Variants in TXNDC11 observed in about 807,000 individuals in gnomAD.
TXNDC11 encodes thioredoxin domain-containing protein 11.
In TXNDC11, 68 loss-of-function variants were observed where a neutral mutation model predicts 78.0. The observed-to-expected ratio is 0.87, with a 90% CI of 0.72 to 1.07. TXNDC11 has a LOEUF of 1.07. TXNDC11 is among the 50% of genes least tolerant of loss of function. TXNDC11 has a pLI of 0.00. For synonymous variants in TXNDC11, 571 were observed against 495.2 expected (o/e 1.15, Z -2.03); for missense variants, 1,389 against 1,221.8 (o/e 1.14, Z -2.04).
intron 11 of TXNDC11, among the ~76,000 whole-genome samples, chr16:11,680,497 A>G (rs1377445076): frequency 6.6e-6 from 1 of 152,106 alleles, no homozygotes; most frequent in African/African-American, 2.4e-5. Flanking sequence ...GGTGACATAG[A>G]AAGGGGTTTT....
intron 1 of TXNDC11, among the ~76,000 whole-genome samples, chr16:11,738,132 T>G (rs550062778): frequency 1.3e-5 from 2 of 152,198 alleles, no homozygotes; most frequent in African/African-American, 4.8e-5. Flanking sequence ...CCTATTCATA[T>G]GTACTATAAC....
At chr16:11,716,939 GCAT>G (rs958985378) in intron 5 of TXNDC11, among the ~76,000 whole-genome samples, 1 of 151,964 alleles carries the variant, frequency 6.6e-6, no homozygotes, top group Non-Finnish European at 1.5e-5. Context: ...GTTAAAGCAG[GCAT>G]CATCAAGATT....
In TXNDC11 at chr16:11,698,155, G is replaced by A; in HGVS notation, c.1077C>T (p.Pro359=). The change falls in exon 7 of 12, where the codon CCC becomes CCT. Residue 359 remains proline (P), a synonymous_variant. Transcript: ENST00000283033. ...PALFLFIPFN[P]LAESHPLIDE... ...CTATTAAAGGATGACTTTCGGCCAG[G>A]GGATTAAAAGGTATGAACAGAAACA... is the stretch of plus-strand genomic sequence containing the variant. 2 of 1,614,216 alleles carry A rather than the reference G, an allele frequency of 1.2e-6. No homozygotes were observed. Among genetic ancestry groups the A allele is most frequent in the Non-Finnish European group, 1.7e-6 (2 of 1,180,034 alleles).
intron 5 of TXNDC11, among the ~76,000 whole-genome samples, chr16:11,707,296 G>A (rs1000130010): frequency 4.0e-5 from 6 of 151,136 alleles, no homozygotes; most frequent in African/African-American, 1.2e-4. Context: ...GCAGGCGCCT[G>A]TAGTCCCAGC....
In TXNDC11 at chr16:11,679,741, G is replaced by A; in HGVS notation, c.2331C>T (p.Pro777=). ...ILHHSDPASS[P]QNVANSPTKE... Reference sequence around the variant, plus strand: ...TGGTAGGAGAGTTAGCCACATTCTGGGGGCTGGAAGCAGGGTCTGAGTGAT... The same window carrying A: ...TGGTAGGAGAGTTAGCCACATTCTGAGGGCTGGAAGCAGGGTCTGAGTGAT... The change falls in exon 12 of 12, where the codon CCC becomes CCT. Residue 777 remains proline, a synonymous_variant. Transcript: ENST00000283033. This position sits in a 1 kb window ranked among gnomAD's most constrained non-coding sequence, Gnocchi z 4.6. The A allele has an allele frequency of 6.2e-7, 1 of 1,614,202 alleles. No individual in the cohort carries two copies. Among genetic ancestry groups the A allele is most frequent in the Non-Finnish European group, 8.5e-7 (1 of 1,180,044 alleles).
intron 4 of TXNDC11, among the ~76,000 whole-genome samples, chr16:11,723,767 T>C (rs2051789964): frequency 2.6e-5 from 4 of 152,220 alleles, no homozygotes; most frequent in Admixed American, 2.6e-4. Context: ...AACTCTCTTC[T>C]TCCCCCTAAA....
intron 6 of TXNDC11, among the ~76,000 whole-genome samples, chr16:11,699,512 C>T (rs1330072269): frequency 6.6e-6 from 1 of 152,244 alleles, no homozygotes; most frequent in Non-Finnish European, 1.5e-5. Context: ...AAAAACCATA[C>T]TCAAACTACA....
intron 5 of TXNDC11, among the ~76,000 whole-genome samples, chr16:11,715,405 G>C (rs1008522065): frequency 2.0e-5 from 3 of 149,946 alleles, no homozygotes; most frequent in African/African-American, 4.9e-5. Flanking sequence ...TTGAGCCCAT[G>C]AGTTCAAGGT....
At position 11,721,588 on chromosome 16, in the gene TXNDC11, G is replaced by T; in HGVS notation, c.782C>A (p.Ser261Ter). 6.2e-7 allele frequency: 1 copy of T among 1,602,166 alleles called. No homozygotes were observed. Among genetic ancestry groups the T allele is most frequent in the South Asian group, 1.1e-5 (1 of 90,340 alleles). Residue 261 changes from serine to a stop codon, truncating the protein, a stop_gained, in exon 5 of 12, where the codon TCA becomes TAA. Coordinates refer to ENST00000283033, the MANE Select transcript of TXNDC11 (RefSeq NM_015914.7). LOFTEE classifies it high-confidence loss of function. Reference sequence around the variant, plus strand: ...GAATCATTTTTTACCTTTCTTTAATGAATGTAATGCTGAGGTGAAGAAGGT... The same window carrying T: ...GAATCATTTTTTACCTTTCTTTAATTAATGTAATGCTGAGGTGAAGAAGGT... ...YLTFFTSALH[S>*]LKKDYLGTVR... is the part of the protein sequence containing the mutation.
At chr16:11,682,185 G>A (rs1344656346) in intron 11 of TXNDC11, among the ~76,000 whole-genome samples, 1 of 152,188 alleles carries the variant, frequency 6.6e-6, no homozygotes, top group Non-Finnish European at 1.5e-5. Context: ...GTCAGCTCAC[G>A]CTGCTTGCCC....
chr16:11,732,169 T>A (rs760798660), intron 3 of TXNDC11, among the ~76,000 whole-genome samples: 3 of 152,186 alleles, frequency 2.0e-5, no homozygotes, highest in Non-Finnish European at 4.4e-5. Flanking sequence ...TTTCTAAAGT[T>A]CCTTTGAGGT....
At chr16:11,742,367 G>C (rs1296666909) in intron 1 of TXNDC11, 110 bp downstream of exon 1, 1 of 910,142 alleles carries the variant, frequency 1.1e-6, no homozygotes, top group Non-Finnish European at 1.5e-6. Flanking sequence ...TCCTGGGCAA[G>C]GTCAGGCCCG....
intron 5 of TXNDC11, among the ~76,000 whole-genome samples, chr16:11,720,280 G>A (rs1429764906): frequency 2.0e-5 from 3 of 152,166 alleles, no homozygotes; most frequent in East Asian, 3.8e-4. Flanking sequence ...AATGTGACAT[G>A]CGTTTTATAC....
chr16:11,700,168 C>G (rs2050971957), intron 6 of TXNDC11, among the ~76,000 whole-genome samples: 1 of 152,204 alleles, frequency 6.6e-6, no homozygotes. Flanking sequence ...GAGAGTAACT[C>G]TGCAATTTTA....
chr16:11,720,309 G>C (rs541189059), intron 5 of TXNDC11, among the ~76,000 whole-genome samples: 1 of 151,864 alleles, frequency 6.6e-6, no homozygotes, highest in Non-Finnish European at 1.5e-5. Flanking sequence ...ATACTTCTCA[G>C]AAGAAATGTA....
intron 3 of TXNDC11, among the ~76,000 whole-genome samples, chr16:11,733,675 G>A (rs962533595): frequency 1.3e-5 from 2 of 152,176 alleles, no homozygotes; most frequent in Non-Finnish European, 1.5e-5. Flanking sequence ...ACACTCTTAC[G>A]ATATCTGAAA....
chr16:11,725,747 A>G (rs1470235127), intron 4 of TXNDC11, among the ~76,000 whole-genome samples: 1 of 152,266 alleles, frequency 6.6e-6, no homozygotes, highest in East Asian at 1.9e-4. Context: ...TTTGCTAATA[A>G]CAACTGAAGT....
At chr16:11,728,718 G>C (rs932951699) in intron 4 of TXNDC11, among the ~76,000 whole-genome samples, 1 of 152,216 alleles carries the variant, frequency 6.6e-6, no homozygotes, top group Non-Finnish European at 1.5e-5. Context: ...GGCTGAGGCA[G>C]AACGATCGCT....
chr16:11,735,601 G>A (rs1254492683), intron 2 of TXNDC11, among the ~76,000 whole-genome samples: 1 of 152,138 alleles, frequency 6.6e-6, no homozygotes, highest in Non-Finnish European at 1.5e-5. Context: ...CTTATCTGCT[G>A]AATATAGTTC....
Sources: gnomAD v4.1 joint callset for allele counts (sites outside exome capture counted in the v4.1 genomes callset) on GRCh38, gnomAD v4.1.1 for gene constraint, Gnocchi (gnomAD v3.1) non-coding constraint, MANE v1.5 for transcripts, NCBI Gene and HGNC (gene_info 2026-07-23, HGNC 2026-07-21) for gene names.